DNAJC21: variants seen among roughly 807,000 people sequenced by gnomAD.
DNAJC21 encodes DnaJ heat shock protein family (Hsp40) member C21, also known as dnaJ homolog subfamily C member 21.
Under a neutral mutation model 72.4 loss-of-function variants are expected in DNAJC21, and 63 were observed. The ratio of observed to expected loss-of-function variants is 0.87; its 90% CI spans 0.71 to 1.07. The LOEUF (loss-of-function observed/expected upper bound fraction) is 1.07. DNAJC21 is among the 50% of genes least tolerant of loss of function. The pLI, the probability that DNAJC21 is intolerant of heterozygous loss-of-function variation, is 0.00. For missense variants in DNAJC21, 634 were observed against 644.8 expected, an observed-to-expected ratio of 0.98 and a Z score of 0.18; for synonymous variants, 203 against 216.7, an observed-to-expected ratio of 0.94 and a Z score of 0.56.
intron 6 of DNAJC21, among the ~76,000 whole-genome samples, chr5:34,939,722 ATGT>A (rs1017895315): frequency 9.9e-5 from 15 of 151,674 alleles, no homozygotes; most frequent in South Asian, 4.2e-4. Context: ...GTGTGCCAAA[ATGT>A]TGTTTTTTTT....
rs545846360 is a variant in DNAJC21 at position 34,945,876 on chromosome 5, T to C, written c.1185+73T>C. Reference sequence around the variant, plus strand: ...CAGTGCTCTTATTTATTCAGTGTAGTCTGTGTTAAGGAGAGAAACTTATAC... The same window carrying C: ...CAGTGCTCTTATTTATTCAGTGTAGCCTGTGTTAAGGAGAGAAACTTATAC... On this transcript the variant is annotated intron_variant, in intron 9 of 11. Coordinates refer to ENST00000648817, the MANE Select transcript of DNAJC21 (RefSeq NM_001012339.3). The C allele has an allele frequency of 7.3e-4, 797 of 1,085,004 alleles. 7 individuals are homozygous for C. The highest frequency in any genetic ancestry group is 6.3e-4 in the Admixed American group (25 of 39,426). 67.2% of individuals were successfully genotyped at this position (1,085,004 alleles called of 1,614,324 possible).
intron 4 of DNAJC21, among the ~76,000 whole-genome samples, chr5:34,936,506 G>C (rs1764783513): frequency 3.9e-5 from 6 of 152,100 alleles, no homozygotes; most frequent in Admixed American, 3.9e-4. Flanking sequence ...GTTTTGTAGA[G>C]ATGGGGTCTT....
At chr5:34,938,242 C>A (rs1242983269) in intron 5 of DNAJC21, among the ~76,000 whole-genome samples, 1 of 152,188 alleles carries the variant, frequency 6.6e-6, no homozygotes, top group African/African-American at 2.4e-5. Context: ...GTTCTAAGTG[C>A]CTTCCTCACA....
chr5:34,937,348 A>C lies in DNAJC21; in HGVS notation c.461A>C (p.Tyr154Ser), dbSNP rs1764813385. The C allele has an allele frequency of 6.2e-7, 1 of 1,612,870 alleles. No homozygotes were observed. Among genetic ancestry groups the C allele is most frequent in the Admixed American group, 1.7e-5 (1 of 59,734 alleles). Residue 154 changes from tyrosine to serine, a missense_variant, in exon 5 of 12, where the codon TAT becomes TCT. Transcript: ENST00000648817. ...TAGGTAGTCCATCCTTTCTACGCTT[A>C]TTGGCAGAGTTTCTGCACTCAAAAG... ...YDTVVHPFYAYWQSFCTQKNF... is the reference protein window; with the variant it reads ...YDTVVHPFYASWQSFCTQKNF...
chr5:34,949,824 T>C (rs1196127440), intron 9 of DNAJC21: 2 of 1,416,586 alleles, frequency 1.4e-6, no homozygotes, highest in East Asian at 4.6e-5. Flanking sequence ...CTGTAGAGAT[T>C]ACTTAATAAA....
intron 9 of DNAJC21, among the ~76,000 whole-genome samples, chr5:34,948,568 T>C (rs1765247417): frequency 6.6e-6 from 1 of 152,182 alleles, no homozygotes; most frequent in Non-Finnish European, 1.5e-5. Context: ...ATATTGACTT[T>C]TAAAATAGTG....
rs942437363 is a variant in DNAJC21 at position 34,955,651 on chromosome 5, C to T, written c.*937C>T. ...TCTATAACAGTGATGAATATTAACACAAAGGAAATATGGAGAACTGTTATA... is the reference window on the plus strand; with the variant it reads ...TCTATAACAGTGATGAATATTAACATAAAGGAAATATGGAGAACTGTTATA... On this transcript the variant is annotated 3_prime_UTR_variant, in exon 12 of 12. Transcript: ENST00000648817. 6.6e-6 allele frequency: 1 copy of T among 151,588 alleles called. No homozygotes were observed. Among genetic ancestry groups the T allele is most frequent in the Non-Finnish European group, 1.5e-5 (1 of 67,962 alleles). The allele number at this position is 151,588 out of a possible 1,614,324, so 9.4% of individuals were successfully genotyped here.
In DNAJC21 at chr5:34,938,918, C is replaced by T. The variant is rs771340192; in HGVS notation, c.804C>T (p.Leu268=). ...CTATGGCCAATTTGGAGAAAGAGCT[C>T]CAGGAGATGGAGGCACGGTACGAGA... is the stretch of plus-strand genomic sequence containing the variant. ...WMTMANLEKE[L]QEMEARYEKE... is the part of the protein sequence containing the mutation. The change falls in exon 6 of 12, where the codon CTC becomes CTT. Residue 268 remains leucine, a synonymous_variant. Coordinates refer to ENST00000648817, the MANE Select transcript of DNAJC21 (RefSeq NM_001012339.3). The T allele has an allele frequency of 2.5e-6, 4 of 1,613,924 alleles. No homozygotes were observed. Among genetic ancestry groups the T allele is most frequent in the Non-Finnish European group, 3.4e-6 (4 of 1,179,998 alleles).
At chr5:34,946,289 A>G (rs1765172962) in intron 9 of DNAJC21, among the ~76,000 whole-genome samples, 2 of 152,160 alleles carry the variant, frequency 1.3e-5, no homozygotes, top group Non-Finnish European at 2.9e-5. Context: ...AGTAATTTAA[A>G]TATTTCACAG....
intron 7 of DNAJC21, among the ~76,000 whole-genome samples, chr5:34,942,866 T>C (rs529002113): frequency 1.1e-4 from 17 of 152,222 alleles, no homozygotes; most frequent in African/African-American, 3.9e-4. Context: ...GTTGGGAGTT[T>C]GAGACCAGCC....
intron 9 of DNAJC21, among the ~76,000 whole-genome samples, chr5:34,947,686 T>C (rs1765220167): frequency 6.7e-6 from 1 of 149,702 alleles, no homozygotes; most frequent in African/African-American, 2.4e-5. Flanking sequence ...AGAGATTATC[T>C]TTTCTCTATC....
At chr5:34,949,364 G>T (rs1005829127) in intron 9 of DNAJC21, among the ~76,000 whole-genome samples, 2 of 152,112 alleles carry the variant, frequency 1.3e-5, no homozygotes, top group Non-Finnish European at 2.9e-5. Context: ...GAATAAAGGA[G>T]ATTAAAGGTA....
intron 7 of DNAJC21, among the ~76,000 whole-genome samples, chr5:34,944,624 T>C (rs1023516782): frequency 2.6e-5 from 4 of 151,878 alleles, no homozygotes; most frequent in Non-Finnish European, 4.4e-5. Flanking sequence ...AAAGCTGTGG[T>C]ACGGAAAGAA....
At chr5:34,945,091 T>C in intron 8 of DNAJC21, 66 bp downstream of exon 8, 4 of 1,563,620 alleles carry the variant, frequency 2.6e-6, no homozygotes, top group South Asian at 2.4e-5. Flanking sequence ...TAAAAGGTTT[T>C]TTTTGAGATG....
At chr5:34,930,830 C>A (rs139119796) in intron 1 of DNAJC21, among the ~76,000 whole-genome samples, 1 of 152,204 alleles carries the variant, frequency 6.6e-6, no homozygotes, top group South Asian at 2.1e-4. Flanking sequence ...AAACAACTTT[C>A]TGCCTTACAC....
At chr5:34,948,728 G>T (rs773634808) in intron 9 of DNAJC21, among the ~76,000 whole-genome samples, 1 of 152,062 alleles carries the variant, frequency 6.6e-6, no homozygotes, top group Non-Finnish European at 1.5e-5. Context: ...AGCCGGGCGT[G>T]GTGCCATGCG....
rs1472220980 is a variant in DNAJC21 at position 34,958,073 on chromosome 5, G to A, written c.*3359G>A. Reference sequence around the variant, plus strand: ...TCCACAGCCACAGCTGGTTAGGGGCGGCTGCCAGTAGAACAGGGCAGATGC... The same window carrying A: ...TCCACAGCCACAGCTGGTTAGGGGCAGCTGCCAGTAGAACAGGGCAGATGC... On this transcript the variant is annotated 3_prime_UTR_variant, in exon 12 of 12. Coordinates refer to ENST00000648817, the MANE Select transcript of DNAJC21 (RefSeq NM_001012339.3). 34 of 152,308 alleles carry A rather than the reference G, an allele frequency of 2.2e-4. 1 individual carries two copies. The highest frequency in any genetic ancestry group is 5.9e-5 in the Non-Finnish European group (4 of 68,022). The allele number at this position is 152,308 out of a possible 1,614,324, so 9.4% of individuals were successfully genotyped here.
chr5:34,937,323 T>C lies in DNAJC21; in HGVS notation c.439-3T>C. 6.3e-7 allele frequency: 1 copy of C among 1,599,790 alleles called. No homozygotes were observed. Among genetic ancestry groups the C allele is most frequent in the Non-Finnish European group, 8.5e-7 (1 of 1,174,108 alleles). On this transcript the variant is annotated splice_polypyrimidine_tract_variant and splice_region_variant and intron_variant, in intron 4 of 11. Coordinates refer to ENST00000648817, the MANE Select transcript of DNAJC21 (RefSeq NM_001012339.3). ...GAAGTTAATCTGTTTTCTTTGTCAC[T>C]AGGTAGTCCATCCTTTCTACGCTTA...
intron 1 of DNAJC21, among the ~76,000 whole-genome samples, chr5:34,931,001 A>G (rs1561178976): frequency 6.6e-6 from 1 of 152,242 alleles, no homozygotes; most frequent in African/African-American, 2.4e-5. Flanking sequence ...TGGATCGTAG[A>G]GGAATGCAAT....
Sources: gnomAD v4.1 joint callset for allele counts (sites outside exome capture counted in the v4.1 genomes callset) on GRCh38, gnomAD v4.1.1 for gene constraint, MANE v1.5 for transcripts, NCBI Gene and HGNC (gene_info 2026-07-23, HGNC 2026-07-21) for gene names.